COL4A3: variants seen among roughly 807,000 people sequenced by gnomAD.
COL4A3 encodes the protein collagen alpha-3(IV) chain.
A neutral mutation model predicts 217.4 loss-of-function variants in COL4A3; 135 were observed. That is an observed-to-expected ratio of 0.62 (90% CI 0.54 to 0.72). The LOEUF (loss-of-function observed/expected upper bound fraction) is 0.72. Among genes scored for constraint, COL4A3 ranks in the 30% least tolerant of loss-of-function variants. COL4A3 has a pLI of 0.00. For missense variants in COL4A3, 1,868 were observed against 2,119.9 expected (o/e 0.88, Z 2.33); for synonymous variants, 690 against 736.3 (o/e 0.94, Z 1.02).
chr2:227,259,958 G>A, intron 19 of COL4A3, 81 bp downstream of exon 19: 1 of 1,010,712 alleles, frequency 9.9e-7, no homozygotes, highest in Non-Finnish European at 1.6e-6. Flanking sequence ...ATGTGCTTAT[G>A]GAATTGACAT....
In COL4A3 at chr2:227,293,172, GTATTT is replaced by G; in HGVS notation, c.3211-18_3211-14del. 1 of 1,613,642 alleles carries G rather than the reference GTATTT, an allele frequency of 6.2e-7. No individual in the cohort carries two copies. The highest frequency in any genetic ancestry group is 1.1e-5 in the South Asian group (1 of 91,054). On this transcript the variant is annotated splice_polypyrimidine_tract_variant and intron_variant, in intron 37 of 51. Coordinates refer to ENST00000396578, the MANE Select transcript of COL4A3 (RefSeq NM_000091.5). ...TCCTGCTTATATGAGAATTTTAAAG[GTATTT>G]GACTACATTTAAGGGGGATCCAGGA...
At chr2:227,193,583 A>G (rs1266625612) in intron 1 of COL4A3, among the ~76,000 whole-genome samples, 1 of 151,626 alleles carries the variant, frequency 6.6e-6, no homozygotes, top group East Asian at 1.9e-4. Context: ...GTGGTTGTGC[A>G]TGCCTGTAAT....
intron 1 of COL4A3, among the ~76,000 whole-genome samples, chr2:227,208,296 A>G (rs2067177075): frequency 6.6e-6 from 1 of 152,176 alleles, no homozygotes; most frequent in African/African-American, 2.4e-5. Flanking sequence ...ATGAGAAATT[A>G]CAGTTTCAGG....
At chr2:227,244,900 T>A (rs1438391096) in intron 4 of COL4A3, 51 bp from the exon 5 acceptor site, 1 of 1,476,328 alleles carries the variant, frequency 6.8e-7, no homozygotes, top group Non-Finnish European at 9.2e-7. Flanking sequence ...AGATTGAACA[T>A]TTTTAAAGTT....
At chr2:227,267,805 A>C (rs1018572225) in intron 23 of COL4A3, among the ~76,000 whole-genome samples, 83 of 145,242 alleles carry the variant, frequency 5.7e-4, no homozygotes, top group Non-Finnish European at 1.0e-3. Flanking sequence ...AAAAAAAAAA[A>C]CACAACATTT....
At chr2:227,254,033 T>C (rs1559870295) in intron 13 of COL4A3, 79 bp from the exon 14 acceptor site, 1 of 1,295,628 alleles carries the variant, frequency 7.7e-7, no homozygotes, top group Non-Finnish European at 1.1e-6. Context: ...ATTGAACAGA[T>C]AGAGGATTTG....
At chr2:227,168,823 T>C (rs1275140209) in intron 1 of COL4A3, among the ~76,000 whole-genome samples, 1 of 152,176 alleles carries the variant, frequency 6.6e-6, no homozygotes, top group African/African-American at 2.4e-5. Flanking sequence ...TTTTTCCATG[T>C]AGATGACAAA....
chr2:227,253,437 G>C lies in COL4A3; in HGVS notation c.687+100G>C. 6.9e-7 allele frequency: 1 copy of C among 1,439,732 alleles called. No homozygotes were observed. Among genetic ancestry groups the C allele is most frequent in the South Asian group, 1.1e-5 (1 of 87,442 alleles). The allele number at this position is 1,439,732 out of a possible 1,614,324, so 89.2% of individuals were successfully genotyped here. ...TTACGGGCCAAGCTGAAATTGATGGGCCTTCATTTGTTCTATCTTCCCGTA... is the reference window on the plus strand; with the variant it reads ...TTACGGGCCAAGCTGAAATTGATGGCCCTTCATTTGTTCTATCTTCCCGTA... On this transcript the variant is annotated intron_variant, in intron 12 of 51. Coordinates refer to ENST00000396578, the MANE Select transcript of COL4A3 (RefSeq NM_000091.5). This position sits in a 1 kb window ranked among gnomAD's most constrained non-coding sequence, Gnocchi z 4.4.
At chr2:227,257,917 TC>T (rs2070293590) in intron 18 of COL4A3, among the ~76,000 whole-genome samples, 2 of 152,210 alleles carry the variant, frequency 1.3e-5, no homozygotes, top group Admixed American at 1.3e-4. Flanking sequence ...CCCAAGGTGA[TC>T]CTGCCCCTTC....
intron 3 of COL4A3, among the ~76,000 whole-genome samples, chr2:227,240,912 T>C (rs563152140): frequency 2.2e-4 from 34 of 152,348 alleles, no homozygotes; most frequent in Admixed American, 9.1e-4. Context: ...TGCCAATACA[T>C]ACTTTTGTGT....
rs1452245796 is a variant in COL4A3 at position 227,266,523 on chromosome 2, A to G, written c.1408+14A>G. ...ATGGGCCCAAAGGTTGGTTCAATCAATAATGTTGTATTAGGATAAGCCTTT... is the reference window on the plus strand; with the variant it reads ...ATGGGCCCAAAGGTTGGTTCAATCAGTAATGTTGTATTAGGATAAGCCTTT... On this transcript the variant is annotated intron_variant, in intron 22 of 51. Transcript: ENST00000396578. The G allele has an allele frequency of 1.9e-6, 3 of 1,587,848 alleles. No individual in the cohort carries two copies. The highest frequency in any genetic ancestry group is 1.3e-5 in the African/African-American group (1 of 74,394).
chr2:227,254,833 T>C, intron 15 of COL4A3, 118 bp downstream of exon 15: 1 of 786,656 alleles, frequency 1.3e-6, no homozygotes, highest in Non-Finnish European at 2.2e-6. Context: ...TTCTGTTCTT[T>C]AAGATTTGGG....
rs1454096543 is a variant in COL4A3, at chr2:227,244,351, C to T, written c.266C>T (p.Ser89Phe). 2.5e-6 allele frequency: 4 copies of T among 1,613,852 alleles called. No homozygotes were observed. Among genetic ancestry groups the T allele is most frequent in the Non-Finnish European group, 3.4e-6 (4 of 1,179,848 alleles). The stretch of plus-strand genomic sequence containing the variant: ...CCAGGACTTCCAGGACTCACGGGTT[C>T]CAAAGGTGTAAGGGTTAGTAGTCCA... Reference protein sequence around the residue: ...GFPGLPGLTGSKGVRGISGLP... With the variant: ...GFPGLPGLTGFKGVRGISGLP... The change falls in exon 4 of 52, where the codon TCC becomes TTC. Residue 89 changes from serine to phenylalanine, a missense_variant. Transcript: ENST00000396578.
In COL4A3 at chr2:227,225,991, C is replaced by T. The variant is rs1004541768; in HGVS notation, c.88-11977C>T. Among the ~76,000 whole-genome samples the T allele has an allele frequency of 4.5e-4, 69 of 152,146 alleles. 1 individual carries two copies. Among genetic ancestry groups the T allele is most frequent in the African/African-American group, 1.6e-3 (68 of 41,514 alleles). ...CTTCCCAAAGTGCTGGGATTACAGT[C>T]GTGAGCCACCATGCCCAGCCAGGAA... On this transcript the variant is annotated intron_variant, in intron 1 of 51. Coordinates refer to ENST00000396578, the MANE Select transcript of COL4A3 (RefSeq NM_000091.5).
intron 1 of COL4A3, among the ~76,000 whole-genome samples, chr2:227,236,016 C>T (rs866339478): frequency 1.5e-5 from 2 of 132,852 alleles, no homozygotes; most frequent in East Asian, 2.0e-4. Context: ...TCAGGTGATC[C>T]GCCCCCCTGG....
chr2:227,309,134 T>C (rs548120844), intron 49 of COL4A3, 58 bp downstream of exon 49: 352 of 1,610,938 alleles, frequency 2.2e-4, no homozygotes, highest in Middle Eastern at 1.8e-3. Context: ...TCCCTTGTAA[T>C]GGAATGAAAG....
rs1247402685 is a variant in COL4A3, at chr2:227,314,580, A to G, written c.*2710A>G. On this transcript the variant is annotated 3_prime_UTR_variant, in exon 52 of 52. Transcript: ENST00000396578. ...ATTTGAACTTGATGGCTAACTTACA[A>G]AGATTCTCTATGTATCAAATGTAAC... is the stretch of plus-strand genomic sequence containing the variant. 6.6e-6 allele frequency: 1 copy of G among 152,570 alleles called. No homozygotes were observed. The highest frequency in any genetic ancestry group is 1.5e-5 in the Non-Finnish European group (1 of 68,026). The allele number at this position is 152,570 out of a possible 1,614,324, so 9.5% of individuals were successfully genotyped here.
chr2:227,273,675 T>A (rs930232580), intron 26 of COL4A3, among the ~76,000 whole-genome samples: 1 of 152,204 alleles, frequency 6.6e-6, no homozygotes, highest in Admixed American at 6.5e-5. Flanking sequence ...CCTCCCAAAG[T>A]GCTAGGATTA....
Position 227,272,969 on chromosome 2 carries a change from G to A in COL4A3, c.1779G>A (p.Gly593=), listed in dbSNP as rs2125996178. 4.3e-6 allele frequency: 7 copies of A among 1,614,100 alleles called. No individual in the cohort carries two copies. The highest frequency in any genetic ancestry group is 5.9e-6 in the Non-Finnish European group (7 of 1,180,012). ...KGELALSGEK[G]DQGPPGDPGS... ...CACAGGCTCTGAGTGGTGAGAAAGG[G>A]GACCAAGGTCCTCCAGGGGATCCTG... The change falls in exon 26 of 52, where the codon GGG becomes GGA. Residue 593 remains glycine (G), a synonymous_variant. Coordinates refer to ENST00000396578, the MANE Select transcript of COL4A3 (RefSeq NM_000091.5).
Sources: gnomAD v4.1 joint callset for allele counts (sites outside exome capture counted in the v4.1 genomes callset) on GRCh38, gnomAD v4.1.1 for gene constraint, Gnocchi (gnomAD v3.1) non-coding constraint, MANE v1.5 for transcripts, NCBI Gene and HGNC (gene_info 2026-07-23, HGNC 2026-07-21) for gene names.